Variants in COL23A1 observed in about 807,000 individuals in gnomAD.
The protein encoded by COL23A1 is collagen type XXIII alpha 1 chain.
In COL23A1, 97 loss-of-function variants were observed where a neutral mutation model predicts 99.3. The ratio of observed to expected loss-of-function variants is 0.98; its 90% CI spans 0.83 to 1.16. COL23A1 has a LOEUF of 1.16. COL23A1 is among the 50% of genes most tolerant of loss of function. COL23A1 has a pLI of 0.00. For synonymous variants in COL23A1, 320 were observed against 308.2 expected (o/e 1.04, Z -0.40); for missense variants, 762 against 757.4 (o/e 1.01, Z -0.07).
chr5:178,514,546 C>G (rs1157233979), intron 2 of COL23A1, among the ~76,000 whole-genome samples: 3 of 152,216 alleles, frequency 2.0e-5, no homozygotes, highest in African/African-American at 7.2e-5. Context: ...GAATCCACAA[C>G]CTGTGCCCTA....
intron 25 of COL23A1, 93 bp downstream of exon 25, chr5:178,245,849 T>C (rs1345924087): frequency 6.9e-7 from 1 of 1,446,938 alleles, no homozygotes; most frequent in African/African-American, 1.4e-5. Context: ...GGGAAAGGGG[T>C]CACACTTGAG....
intron 2 of COL23A1, among the ~76,000 whole-genome samples, chr5:178,481,128 T>G (rs1379500939): frequency 5.7e-5 from 3 of 52,248 alleles, no homozygotes; most frequent in African/African-American, 2.1e-4. Flanking sequence ...AGAGACTGTC[T>G]CTCAAAAAAA....
At chr5:178,305,885 G>A (rs187382306) in intron 3 of COL23A1, among the ~76,000 whole-genome samples, 46 of 152,180 alleles carry the variant, frequency 3.0e-4, no homozygotes, top group African/African-American at 1.0e-3. Context: ...GCAGCCAGGT[G>A]TCTACACAGG....
At chr5:178,586,915 C>A (rs937423271) in intron 1 of COL23A1, among the ~76,000 whole-genome samples, 1 of 152,154 alleles carries the variant, frequency 6.6e-6, no homozygotes, top group African/African-American at 2.4e-5. Context: ...AAGGAAAATG[C>A]GTAAACTTTA....
rs1407458049 is a variant in COL23A1 at position 178,241,972 on chromosome 5, G to C, written c.1581+70C>G. 7 of 1,205,962 alleles carry C rather than the reference G, an allele frequency of 5.8e-6. No individual in the cohort carries two copies. The Admixed American group carries it at 1.5e-4, about 26-fold the overall frequency. The allele number at this position is 1,205,962 out of a possible 1,614,324, so 74.7% of individuals were successfully genotyped here. ...GACTTGCAGCTGAGTTCCGAGGACA[G>C]GGAAGATGTTGGGCTGACCCTGGCT... On this transcript the variant is annotated intron_variant, in intron 27 of 28. Coordinates refer to ENST00000390654, the MANE Select transcript of COL23A1 (RefSeq NM_173465.4).
intron 2 of COL23A1, among the ~76,000 whole-genome samples, chr5:178,420,386 C>T (rs1206045913): frequency 8.1e-6 from 1 of 123,594 alleles, no homozygotes; most frequent in Admixed American, 8.0e-5. Flanking sequence ...TCCCCTCCCC[C>T]CTTTCCCCCT....
chr5:178,462,679 T>C (rs1373215418), intron 2 of COL23A1, among the ~76,000 whole-genome samples: 1 of 152,212 alleles, frequency 6.6e-6, no homozygotes, highest in Non-Finnish European at 1.5e-5. Flanking sequence ...GACTCTGCAT[T>C]ACTGAAACAA....
intron 2 of COL23A1, among the ~76,000 whole-genome samples, chr5:178,348,688 G>A (rs951882129): frequency 2.6e-5 from 4 of 152,206 alleles, no homozygotes; most frequent in African/African-American, 4.8e-5. Context: ...CCCCTTCCCA[G>A]GACCAGGCCC....
intron 1 of COL23A1, among the ~76,000 whole-genome samples, chr5:178,563,851 A>T (rs985081004): frequency 3.9e-5 from 6 of 152,092 alleles, no homozygotes; most frequent in Non-Finnish European, 8.8e-5. Context: ...GCTTTTCCCC[A>T]TTGTATTCGC....
intron 2 of COL23A1, among the ~76,000 whole-genome samples, chr5:178,550,426 G>A (rs1761938499): frequency 1.3e-5 from 2 of 152,156 alleles, no homozygotes; most frequent in South Asian, 4.1e-4. Context: ...CACCCACAAA[G>A]TATGATCAAC....
Position 178,560,805 on chromosome 5 carries a change from G to C in COL23A1, c.295-57C>G, listed in dbSNP as rs1762524161. ...AGGAGAGAATGAGTTTCAGAACAGAGAGGGGTAAAAGTGGAAACATCAGCA... is the reference window on the plus strand; with the variant it reads ...AGGAGAGAATGAGTTTCAGAACAGACAGGGGTAAAAGTGGAAACATCAGCA... On this transcript the variant is annotated intron_variant, in intron 1 of 28. Transcript: ENST00000390654. The C allele has an allele frequency of 2.0e-6, 3 of 1,536,812 alleles. No homozygotes were observed. The South Asian group carries it at 3.6e-5, about 18-fold the overall frequency.
intron 2 of COL23A1, among the ~76,000 whole-genome samples, chr5:178,506,505 T>C (rs1405453089): frequency 6.6e-6 from 1 of 152,144 alleles, no homozygotes; most frequent in Non-Finnish European, 1.5e-5. Context: ...CAAAGAGCAA[T>C]GCCTGGGCCA....
chr5:178,343,259 A>G (rs979086546), intron 2 of COL23A1, among the ~76,000 whole-genome samples: 1 of 152,156 alleles, frequency 6.6e-6, no homozygotes, highest in African/African-American at 2.4e-5. Context: ...ACCCCCATCA[A>G]TTAGCTAAGA....
At position 178,407,675 on chromosome 5, in the gene COL23A1, A is replaced by G. The variant is rs181182750; in HGVS notation, c.362-100756T>C. Among the ~76,000 whole-genome samples, 316 of 152,384 alleles carry G rather than the reference A, an allele frequency of 2.1e-3. 1 individual carries two copies. The highest frequency in any genetic ancestry group is 3.9e-3 in the Non-Finnish European group (267 of 68,044). ...ACTGGAAATGTTAGAAGTGAAAAAC[A>G]CAAGAAATGACATGAAAATTTCAAT... On this transcript the variant is annotated intron_variant, in intron 2 of 28. Coordinates refer to ENST00000390654, the MANE Select transcript of COL23A1 (RefSeq NM_173465.4).
intron 2 of COL23A1, among the ~76,000 whole-genome samples, chr5:178,364,743 G>T (rs1034503189): frequency 6.6e-6 from 1 of 152,142 alleles, no homozygotes; most frequent in African/African-American, 2.4e-5. Context: ...CGAGGTCTTG[G>T]GTGGGCCTAA....
At chr5:178,418,449 G>A (rs1394184667) in intron 2 of COL23A1, among the ~76,000 whole-genome samples, 1 of 152,222 alleles carries the variant, frequency 6.6e-6, no homozygotes, top group Non-Finnish European at 1.5e-5. Context: ...CCCTTAGCAA[G>A]AAACTGGAAC....
chr5:178,465,978 C>A (rs1315476498), intron 2 of COL23A1, among the ~76,000 whole-genome samples: 1 of 152,152 alleles, frequency 6.6e-6, no homozygotes, highest in Non-Finnish European at 1.5e-5. Flanking sequence ...GGTGAGTGCA[C>A]CTCAAGGCCA....
Position 178,357,932 on chromosome 5 carries a change from GTGTA to G in COL23A1, c.362-51017_362-51014del, listed in dbSNP as rs771424812. 3.8e-4 allele frequency among the ~76,000 whole-genome samples: 57 copies of G among 149,874 alleles called. 1 individual carries two copies. Among genetic ancestry groups the G allele is most frequent in the African/African-American group, 6.4e-4 (26 of 40,718 alleles). ...TGTGTGTGTATGTGTATGTGTGTAT[GTGTA>G]TGTATGTGTGTGTATGTATATGTGT... On this transcript the variant is annotated intron_variant, in intron 2 of 28. Transcript: ENST00000390654.
At chr5:178,576,358 C>A (rs888444603) in intron 1 of COL23A1, among the ~76,000 whole-genome samples, 2 of 152,214 alleles carry the variant, frequency 1.3e-5, no homozygotes, top group African/African-American at 2.4e-5. Context: ...CCTGCCTCAC[C>A]CTCCCAAGTA....
Sources: allele counts gnomAD v4.1 joint callset (sites outside exome capture counted in the v4.1 genomes callset), GRCh38; gene constraint gnomAD v4.1.1; transcripts MANE v1.5; gene names NCBI Gene and HGNC (gene_info 2026-07-23, HGNC 2026-07-21).